The following ITPR1 variants were observed in gnomAD, a reference collection of about 807,000 sequenced individuals.
The protein encoded by ITPR1 is inositol 1,4,5-trisphosphate-gated calcium channel ITPR1.
Under a neutral mutation model 318.4 loss-of-function variants are expected in ITPR1, and 96 were observed. The observed-to-expected ratio is 0.30, with a 90% CI of 0.26 to 0.36. ITPR1 has a LOEUF of 0.36. Among genes scored for constraint, ITPR1 ranks in the 10% least tolerant of loss-of-function variants. The pLI is 1.00. For synonymous variants in ITPR1, 1,312 were observed against 1,289.9 expected (o/e 1.02, Z -0.37); for missense variants, 2,440 against 3,460.2 (o/e 0.71, Z 7.40).
At chr3:4,565,608 G>A (rs986625949) in intron 4 of ITPR1, among the ~76,000 whole-genome samples, 6 of 152,144 alleles carry the variant, frequency 3.9e-5, no homozygotes, top group African/African-American at 1.2e-4. Flanking sequence ...CCCTTGGCCC[G>A]CAGGAGAGTG....
intron 4 of ITPR1, among the ~76,000 whole-genome samples, chr3:4,603,044 G>A (rs1448049505): frequency 1.3e-5 from 2 of 151,960 alleles, no homozygotes; most frequent in Non-Finnish European, 2.9e-5. Flanking sequence ...AAGCTTACTG[G>A]TAACAAAATA....
intron 6 of ITPR1, among the ~76,000 whole-genome samples, chr3:4,641,047 C>A (rs1163150274): frequency 6.6e-6 from 1 of 152,198 alleles, no homozygotes; most frequent in Non-Finnish European, 1.5e-5. Flanking sequence ...GGAGGACCTC[C>A]TAACAGTTCT....
At chr3:4,563,863 C>T (rs1237345460) in intron 4 of ITPR1, among the ~76,000 whole-genome samples, 1 of 151,906 alleles carries the variant, frequency 6.6e-6, no homozygotes, top group Non-Finnish European at 1.5e-5. Flanking sequence ...TGCAACAAAG[C>T]ACCACAAGCT....
At chr3:4,560,989 A>G (rs932314101) in intron 4 of ITPR1, among the ~76,000 whole-genome samples, 1 of 152,222 alleles carries the variant, frequency 6.6e-6, no homozygotes, top group Non-Finnish European at 1.5e-5. Flanking sequence ...TGCTTTGAGG[A>G]TGCAGGCTGA....
Position 4,662,074 on chromosome 3 carries a change from A to C in ITPR1, c.1252-8A>C, listed in dbSNP as rs1294341473. 1 of 1,611,842 alleles carries C rather than the reference A, an allele frequency of 6.2e-7. No homozygotes were observed. The highest frequency in any genetic ancestry group is 2.2e-5 in the East Asian group (1 of 44,874). Reference sequence around the variant, plus strand: ...AGATTATCTCACAAGGACCACCTTGAATTTCAGATTGGCACCTCTCCTGTG... The same window carrying C: ...AGATTATCTCACAAGGACCACCTTGCATTTCAGATTGGCACCTCTCCTGTG... On this transcript the variant is annotated splice_region_variant and splice_polypyrimidine_tract_variant and intron_variant, in intron 14 of 61. Coordinates refer to ENST00000649015, the MANE Select transcript of ITPR1 (RefSeq NM_001378452.1).
intron 4 of ITPR1, among the ~76,000 whole-genome samples, chr3:4,615,092 T>A (rs2092332111): frequency 6.6e-6 from 1 of 152,210 alleles, no homozygotes; most frequent in Non-Finnish European, 1.5e-5. Flanking sequence ...GCCAGGTCCA[T>A]GTGTGGGAAC....
At chr3:4,590,786 C>T (rs912306459) in intron 4 of ITPR1, among the ~76,000 whole-genome samples, 12 of 151,948 alleles carry the variant, frequency 7.9e-5, no homozygotes, top group Middle Eastern at 3.2e-3. Flanking sequence ...TAGACAAACA[C>T]GTGTCACGGG....
intron 4 of ITPR1, among the ~76,000 whole-genome samples, chr3:4,614,981 A>G (rs928542903): frequency 6.6e-6 from 1 of 152,240 alleles, no homozygotes; most frequent in African/African-American, 2.4e-5. Context: ...ACTGACTAAC[A>G]TAAGCCCAAA....
At chr3:4,609,664 A>AG (rs904812763) in intron 4 of ITPR1, among the ~76,000 whole-genome samples, 7 of 151,660 alleles carry the variant, frequency 4.6e-5, no homozygotes, top group African/African-American at 7.3e-5. Flanking sequence ...GAGAACATGG[A>AG]GGGATGGAAT....
chr3:4,603,675 G>A (rs374744113), intron 4 of ITPR1, among the ~76,000 whole-genome samples: 2 of 152,046 alleles, frequency 1.3e-5, no homozygotes, highest in East Asian at 1.9e-4. Context: ...TGTTCCACCC[G>A]CCTTGGCCTC....
At chr3:4,737,822 G>A (rs540389230) in intron 44 of ITPR1, among the ~76,000 whole-genome samples, 3 of 152,214 alleles carry the variant, frequency 2.0e-5, no homozygotes, top group East Asian at 3.8e-4. Context: ...GAGCTCTCTG[G>A]GTGCTGGAAA....
chr3:4,661,643 A>AG (rs1430185400), intron 14 of ITPR1, among the ~76,000 whole-genome samples: 1 of 152,148 alleles, frequency 6.6e-6, no homozygotes, highest in Non-Finnish European at 1.5e-5. Flanking sequence ...GCATTGGGGA[A>AG]GGTTATTGAA....
chr3:4,829,981 T>C (rs1186180052), intron 60 of ITPR1, among the ~76,000 whole-genome samples: 1 of 61,962 alleles, frequency 1.6e-5, no homozygotes, highest in Non-Finnish European at 4.2e-5. Context: ...TTTTTTTTTG[T>C]GTGTGTGTGT....
intron 34 of ITPR1, 65 bp from the exon 35 acceptor site, chr3:4,699,748 C>T (rs1240320674): frequency 3.4e-5 from 52 of 1,543,348 alleles, no homozygotes; most frequent in East Asian, 4.6e-5. Context: ...AGGAGGGAGT[C>T]GCAGATTTCT....
intron 33 of ITPR1, 86 bp from the exon 34 acceptor site, chr3:4,697,061 T>C: frequency 8.1e-7 from 1 of 1,229,528 alleles, no homozygotes; most frequent in Non-Finnish European, 1.2e-6. Context: ...ACCATTTTCA[T>C]CGGTCCTTGC....
chr3:4,839,721 T>G (rs1364076845), intron 61 of ITPR1, among the ~76,000 whole-genome samples: 2 of 152,192 alleles, frequency 1.3e-5, no homozygotes, highest in African/African-American at 2.4e-5. Flanking sequence ...AAAGTTTTAG[T>G]TTAAACAAAA....
Position 4,789,658 on chromosome 3 carries a change from C to T in ITPR1, c.6808+1519C>T, listed in dbSNP as rs532378163. On this transcript the variant is annotated intron_variant, in intron 52 of 61. Coordinates refer to ENST00000649015, the MANE Select transcript of ITPR1 (RefSeq NM_001378452.1). ...TTTTTGAGACAGAGTCTTGGTCTGT[C>T]GCCCAGGCTGGAGTGCAGTGGCGCG... 5.3e-5 allele frequency among the ~76,000 whole-genome samples: 8 copies of T among 152,156 alleles called. No individual in the cohort carries two copies. In the East Asian group the frequency reaches 5.8e-4, roughly 11 times the overall value.
At chr3:4,592,409 G>A (rs569580583) in intron 4 of ITPR1, among the ~76,000 whole-genome samples, 2 of 152,074 alleles carry the variant, frequency 1.3e-5, no homozygotes, top group African/African-American at 2.4e-5. Flanking sequence ...TTCATCTATC[G>A]TGAGACCATT....
chr3:4,598,522 C>G (rs1164700261), intron 4 of ITPR1, among the ~76,000 whole-genome samples: 1 of 151,662 alleles, frequency 6.6e-6, no homozygotes, highest in Admixed American at 6.6e-5. Context: ...TCGGTGGGGC[C>G]GAGACAGGAG....
Sources: allele counts gnomAD v4.1 joint callset (sites outside exome capture counted in the v4.1 genomes callset), GRCh38; gene constraint gnomAD v4.1.1; transcripts MANE v1.5; gene names NCBI Gene and HGNC (gene_info 2026-07-23, HGNC 2026-07-21).